The following RERE variants were observed in gnomAD, a reference collection of about 807,000 sequenced individuals.
RERE encodes arginine-glutamic acid dipeptide repeats protein.
A neutral mutation model predicts 146.1 loss-of-function variants in RERE; 40 were observed. That is an observed-to-expected ratio of 0.27 (90% confidence interval 0.21 to 0.36). The LOEUF (loss-of-function observed/expected upper bound fraction) is 0.36. Ranked by LOEUF, RERE falls within the 10% of genes least tolerant of loss-of-function variation. The probability of loss-of-function intolerance (pLI) is 1.00; values close to 1 mark genes in which losing one functional copy is unlikely to be tolerated. For synonymous variants in RERE, 1,003 were observed against 866.0 expected (o/e 1.16, Z -2.78); for missense variants, 1,933 against 2,138.7 (o/e 0.90, Z 1.90).
chr1:8,783,520 C>A lies in RERE; in HGVS notation c.-145+33640G>T, dbSNP rs145367276. ...GCCTGTTGTCCCAGTCTGCTGTCCA[C>A]AAAGGAGTCTTCTGTCCTTTTAAAA... On this transcript the variant is annotated intron_variant, in intron 1 of 22. Coordinates refer to ENST00000400908, the MANE Select transcript of RERE (RefSeq NM_001042681.2). 5.6e-3 allele frequency among the ~76,000 whole-genome samples: 849 copies of A among 152,228 alleles called. 9 individuals carry two copies. The highest frequency in any genetic ancestry group is 0.02 in the African/African-American group (814 of 41,530).
chr1:8,567,598 A>G (rs1646167823), intron 4 of RERE, among the ~76,000 whole-genome samples: 2 of 152,224 alleles, frequency 1.3e-5, no homozygotes, highest in African/African-American at 4.8e-5. Context: ...ATGAAAACTA[A>G]ATCATCTCTG....
At chr1:8,719,368 C>T (rs911014877) in intron 1 of RERE, among the ~76,000 whole-genome samples, 1 of 152,178 alleles carries the variant, frequency 6.6e-6, no homozygotes, top group African/African-American at 2.4e-5. Flanking sequence ...AAGTAATCCA[C>T]CCCTAAATGA....
At position 8,716,332 on chromosome 1, in the gene RERE, C is replaced by G. The variant is rs1011195710; in HGVS notation, c.-144-59891G>C. Among the ~76,000 whole-genome samples the G allele has an allele frequency of 1.1e-4, 16 of 150,632 alleles. No homozygotes were observed. The South Asian group carries it at 3.1e-3, about 30-fold the overall frequency. The stretch of plus-strand genomic sequence containing the variant: ...AAAAAAAAAAAATTAAAAAATTAGC[C>G]AAGTGTTAGGGCACACACCTGTGGT... On this transcript the variant is annotated intron_variant, in intron 1 of 22. Transcript: ENST00000400908.
intron 1 of RERE, chr1:8,750,458 G>GT: frequency 1.0e-6 from 1 of 965,880 alleles, no homozygotes; most frequent in Non-Finnish European, 1.7e-6. Context: ...GAAGAAGGTG[G>GT]TTCCTGCTGT....
At chr1:8,602,524 G>GA (rs35403700) in intron 4 of RERE, among the ~76,000 whole-genome samples, 146,138 of 147,396 alleles carry the variant, frequency 0.99, 72,443 homozygotes, top group Non-Finnish European at 0.99. Flanking sequence ...GAAAAAAAAA[G>GA]AAAAAAAAAA....
At chr1:8,476,126 C>T (rs936310250) in intron 10 of RERE, among the ~76,000 whole-genome samples, 1 of 152,170 alleles carries the variant, frequency 6.6e-6, no homozygotes, top group African/African-American at 2.4e-5. Context: ...AGGAGGGGGT[C>T]GCAACATTTG....
At chr1:8,570,685 A>G (rs1157090532) in intron 4 of RERE, among the ~76,000 whole-genome samples, 1 of 152,116 alleles carries the variant, frequency 6.6e-6, no homozygotes, top group Non-Finnish European at 1.5e-5. Flanking sequence ...AAACAGTTCA[A>G]CCCTACAGAC....
intron 1 of RERE, among the ~76,000 whole-genome samples, chr1:8,780,594 A>G (rs979761091): frequency 5.9e-5 from 9 of 152,204 alleles, no homozygotes; most frequent in African/African-American, 2.2e-4. Context: ...ACCAGAAAAT[A>G]AAGTACAGGT....
chr1:8,376,968 T>C (rs1642278761), intron 12 of RERE, among the ~76,000 whole-genome samples: 1 of 152,242 alleles, frequency 6.6e-6, no homozygotes, highest in Non-Finnish European at 1.5e-5. Flanking sequence ...GATCAAGCAA[T>C]AGATAACTAT....
intron 12 of RERE, among the ~76,000 whole-genome samples, chr1:8,379,604 T>C (rs1475401417): frequency 6.6e-6 from 1 of 152,102 alleles, no homozygotes; most frequent in Non-Finnish European, 1.5e-5. Context: ...TCCTCAAAGG[T>C]TCTTTACAGA....
chr1:8,449,462 GAAC>G (rs1644365247), intron 11 of RERE, among the ~76,000 whole-genome samples: 1 of 152,150 alleles, frequency 6.6e-6, no homozygotes, highest in African/African-American at 2.4e-5. Flanking sequence ...GTTTTAACAA[GAAC>G]CAGACCTTTC....
At chr1:8,693,101 A>AG (rs1254053346) in intron 1 of RERE, among the ~76,000 whole-genome samples, 3 of 152,232 alleles carry the variant, frequency 2.0e-5, no homozygotes, top group South Asian at 2.1e-4. Context: ...ACCAAATGGT[A>AG]GCAAGTATGT....
At chr1:8,402,313 TCA>T (rs1340264440) in intron 12 of RERE, among the ~76,000 whole-genome samples, 1 of 152,190 alleles carries the variant, frequency 6.6e-6, no homozygotes, top group Non-Finnish European at 1.5e-5. Context: ...AGAGTCACCA[TCA>T]CAGCCAGGTG....
intron 1 of RERE, among the ~76,000 whole-genome samples, chr1:8,804,336 T>C (rs1641643188): frequency 6.6e-6 from 1 of 152,230 alleles, no homozygotes; most frequent in African/African-American, 2.4e-5. Flanking sequence ...GAAAATTCTA[T>C]ACTGGATACT....
Position 8,403,262 on chromosome 1 carries a change from A to G in RERE, c.1284+19465T>C. Among the ~76,000 whole-genome samples, 2 of 151,848 alleles carry G rather than the reference A, an allele frequency of 1.3e-5. 1 individual carries two copies. Among genetic ancestry groups the G allele is most frequent in the East Asian group, 3.9e-4 (2 of 5,156 alleles). ...TCTCTATTCTTGAGTCAATTTTAAG[A>G]ATTTTGTTGTCTCTTTTGAAATTTC... On this transcript the variant is annotated intron_variant, in intron 12 of 22. Transcript: ENST00000400908.
At chr1:8,409,998 T>C (rs1217487418) in intron 12 of RERE, among the ~76,000 whole-genome samples, 2 of 136,342 alleles carry the variant, frequency 1.5e-5, no homozygotes, top group African/African-American at 5.3e-5. Context: ...TTTTTTTTTT[T>C]TACTAAATCC....
At chr1:8,489,155 G>A (rs1439946931) in intron 10 of RERE, among the ~76,000 whole-genome samples, 1 of 151,954 alleles carries the variant, frequency 6.6e-6, no homozygotes, top group African/African-American at 2.4e-5. Flanking sequence ...ACCAGCCTGG[G>A]AAACATAGTG....
chr1:8,683,264 C>CT (rs1236209578), intron 1 of RERE, among the ~76,000 whole-genome samples: 1 of 152,132 alleles, frequency 6.6e-6, no homozygotes, highest in African/African-American at 2.4e-5. Flanking sequence ...ACACATGTAC[C>CT]TTCACCCTTT....
At chr1:8,736,467 AAAGTGC>A (rs1234631396) in intron 1 of RERE, among the ~76,000 whole-genome samples, 46 of 152,252 alleles carry the variant, frequency 3.0e-4, no homozygotes, top group African/African-American at 1.0e-3. Flanking sequence ...TCGGCCTCCC[AAAGTGC>A]TTGGATTACA....
Sources: allele counts gnomAD v4.1 joint callset (sites outside exome capture counted in the v4.1 genomes callset), GRCh38; gene constraint gnomAD v4.1.1; transcripts MANE v1.5; gene names NCBI Gene and HGNC (gene_info 2026-07-23, HGNC 2026-07-21).